KANK1: variants seen among roughly 807,000 people sequenced by gnomAD.
The protein encoded by KANK1 is KN motif and ankyrin repeat domains 1, also known as KN motif and ankyrin repeat domain-containing protein 1.
A neutral mutation model predicts 106.2 loss-of-function variants in KANK1; 109 were observed. The observed-to-expected ratio is 1.03, with a 90% CI of 0.88 to 1.20. KANK1 has a LOEUF of 1.20. Ranked by LOEUF, KANK1 falls within the 50% of genes most tolerant of loss-of-function variation. The probability of loss-of-function intolerance (pLI) is 0.00; values close to 1 mark genes in which losing one functional copy is unlikely to be tolerated. For synonymous variants in KANK1, 873 were observed against 652.2 expected (o/e 1.34, Z -5.16); for missense variants, 2,399 against 1,710.7 (o/e 1.40, Z -7.10).
intron 1 of KANK1, among the ~76,000 whole-genome samples, chr9:566,207 C>T (rs1474569988): frequency 6.6e-6 from 1 of 152,184 alleles, no homozygotes; most frequent in Non-Finnish European, 1.5e-5. Context: ...TTTATGGCTG[C>T]ATAGTATTTC....
chr9:680,125 A>T (rs573764261), intron 2 of KANK1, among the ~76,000 whole-genome samples: 1 of 152,150 alleles, frequency 6.6e-6, no homozygotes, highest in Non-Finnish European at 1.5e-5. Context: ...TGTTTCTTCA[A>T]TTTCCAAAAA....
At chr9:593,795 C>T (rs575576863) in intron 1 of KANK1, among the ~76,000 whole-genome samples, 12 of 151,954 alleles carry the variant, frequency 7.9e-5, no homozygotes, top group Non-Finnish European at 1.3e-4. Flanking sequence ...TGAAAATGAA[C>T]ACTTAGCTAA....
intron 2 of KANK1, among the ~76,000 whole-genome samples, chr9:707,471 T>G (rs1355485094): frequency 1.3e-5 from 2 of 151,912 alleles, no homozygotes; most frequent in Non-Finnish European, 2.9e-5. Flanking sequence ...TTAATGGAGT[T>G]TCAGACAGTC....
At chr9:593,018 G>C (rs2135594766) in intron 1 of KANK1, among the ~76,000 whole-genome samples, 1 of 151,898 alleles carries the variant, frequency 6.6e-6, no homozygotes, top group South Asian at 2.1e-4. Flanking sequence ...GACATCATGT[G>C]ACTGACTTAG....
chr9:606,765 A>G (rs1347098099), intron 1 of KANK1, among the ~76,000 whole-genome samples: 3 of 151,454 alleles, frequency 2.0e-5, no homozygotes, highest in Non-Finnish European at 4.4e-5. Flanking sequence ...TGTGGAGAGG[A>G]CTGAAACCAG....
intron 2 of KANK1, among the ~76,000 whole-genome samples, chr9:695,472 C>CTTCA (rs3028271): frequency 6.6e-6 from 1 of 151,606 alleles, no homozygotes; most frequent in Non-Finnish European, 1.5e-5. Flanking sequence ...CGTGTGCACA[C>CTTCA]ACACATCCCC....
chr9:549,712 G>C (rs368578753), intron 1 of KANK1: 1 of 152,386 alleles, frequency 6.6e-6, no homozygotes, highest in East Asian at 1.9e-4. Flanking sequence ...TCTCCTCCTC[G>C]TCCTCTGAGG....
intron 1 of KANK1, among the ~76,000 whole-genome samples, chr9:582,635 T>A (rs1822461413): frequency 6.6e-6 from 1 of 152,102 alleles, no homozygotes; most frequent in East Asian, 1.9e-4. Context: ...ATAAAAACAT[T>A]TGGGGTGGGA....
At chr9:573,037 T>G (rs530689576) in intron 1 of KANK1, among the ~76,000 whole-genome samples, 1 of 152,160 alleles carries the variant, frequency 6.6e-6, no homozygotes, top group East Asian at 1.9e-4. Flanking sequence ...ATATTTGAGC[T>G]GGTGTAAATT....
At chr9:693,257 C>T (rs551781318) in intron 2 of KANK1, among the ~76,000 whole-genome samples, 97 of 152,220 alleles carry the variant, frequency 6.4e-4, no homozygotes, top group African/African-American at 2.0e-3. Context: ...TCCATTCCAG[C>T]CTCGGTTCAG....
At chr9:713,575 G>C (rs1157703345) in intron 3 of KANK1, 111 bp downstream of exon 3, 1 of 1,170,480 alleles carries the variant, frequency 8.5e-7, no homozygotes, top group Non-Finnish European at 1.2e-6. Context: ...GAGAAATGGA[G>C]AAAGTTTTAG....
At chr9:653,742 A>G (rs1841446065) in intron 1 of KANK1, among the ~76,000 whole-genome samples, 1 of 152,132 alleles carries the variant, frequency 6.6e-6, no homozygotes, top group South Asian at 2.1e-4. Flanking sequence ...TGGTTTTCAT[A>G]CCTTTGTTGC....
chr9:630,885 G>A (rs1428447119), intron 1 of KANK1, among the ~76,000 whole-genome samples: 2 of 152,104 alleles, frequency 1.3e-5, no homozygotes, highest in Non-Finnish European at 2.9e-5. Flanking sequence ...AACCCGGGAT[G>A]TAGAGGTTGT....
At chr9:679,061 T>C (rs965485237) in intron 2 of KANK1, among the ~76,000 whole-genome samples, 1 of 152,196 alleles carries the variant, frequency 6.6e-6, no homozygotes, top group African/African-American at 2.4e-5. Context: ...ATAAGCAAGC[T>C]GTAACTTTTC....
At chr9:693,010 A>C (rs1234281072) in intron 2 of KANK1, among the ~76,000 whole-genome samples, 1 of 151,968 alleles carries the variant, frequency 6.6e-6, no homozygotes, top group African/African-American at 2.4e-5. Context: ...TCAAAAAAGA[A>C]CTTTTTTTTT....
intron 3 of KANK1, chr9:489,166 A>T (rs1284025951): frequency 1.3e-5 from 2 of 152,224 alleles, no homozygotes; most frequent in African/African-American, 4.8e-5. Flanking sequence ...ATAAATACAC[A>T]TATATTTTAT....
intron 1 of KANK1, among the ~76,000 whole-genome samples, chr9:624,839 G>GA (rs971518905): frequency 6.6e-6 from 1 of 151,948 alleles, no homozygotes. Flanking sequence ...AAAACGCAAT[G>GA]AAAAAAATAG....
intron 1 of KANK1, among the ~76,000 whole-genome samples, chr9:553,933 G>C (rs2061425255): frequency 6.6e-6 from 1 of 152,092 alleles, no homozygotes; most frequent in South Asian, 2.1e-4. Context: ...GCGTGCATTT[G>C]GGTCCTCTGG....
chr9:662,638 C>T (rs1335160659), intron 1 of KANK1, among the ~76,000 whole-genome samples: 1 of 151,434 alleles, frequency 6.6e-6, no homozygotes, highest in Admixed American at 6.6e-5. Context: ...AAACTGCATC[C>T]CTTCCTTACA....
Sources: gnomAD v4.1 joint callset for allele counts (sites outside exome capture counted in the v4.1 genomes callset) on GRCh38, gnomAD v4.1.1 for gene constraint, MANE v1.5 for transcripts, NCBI Gene and HGNC (gene_info 2026-07-23, HGNC 2026-07-21) for gene names.